GLG1: variants seen among roughly 807,000 people sequenced by gnomAD.
GLG1 encodes Golgi apparatus protein 1.
A neutral mutation model predicts 160.5 loss-of-function variants in GLG1; 38 were observed. The observed-to-expected ratio is 0.24, with a 90% CI of 0.18 to 0.31. The LOEUF is 0.31. Ranked by LOEUF, GLG1 falls within the 10% of genes least tolerant of loss-of-function variation. The pLI, the probability that GLG1 is intolerant of heterozygous loss-of-function variation, is 1.00. For missense variants in GLG1, 1,373 were observed against 1,505.2 expected (o/e 0.91, Z 1.45); for synonymous variants, 644 against 543.4 (o/e 1.19, Z -2.57).
At chr16:74,569,315 T>C (rs1450831520) in intron 1 of GLG1, among the ~76,000 whole-genome samples, 2 of 152,208 alleles carry the variant, frequency 1.3e-5, no homozygotes, top group Non-Finnish European at 2.9e-5. Context: ...CAAGACATCA[T>C]AAACGATAAT....
chr16:74,567,734 A>T, intron 1 of GLG1, among the ~76,000 whole-genome samples: 1 of 150,716 alleles, frequency 6.6e-6, no homozygotes, highest in Non-Finnish European at 1.5e-5. Flanking sequence ...GCGCCCGGCT[A>T]ATTTTTTGTA....
rs35777516 is a variant in GLG1 at position 74,528,811 on chromosome 16, C to CAAAAAAA, written c.471+3303_471+3309dup. On this transcript the variant is annotated intron_variant, in intron 2 of 25. Transcript: ENST00000422840. ...TCAGTGACAGAGCGAGATTCTGTCT[C>CAAAAAAA]AAAAAAAAAAAAAAAAAAAAAAAAA... Among the ~76,000 whole-genome samples, 96 of 62,798 alleles carry CAAAAAAA rather than the reference C, an allele frequency of 1.5e-3. 5 individuals are homozygous for CAAAAAAA. Among genetic ancestry groups the CAAAAAAA allele is most frequent in the Non-Finnish European group, 2.1e-3 (80 of 38,132 alleles). 41.2% of individuals were successfully genotyped at this position (62,798 alleles called of 152,430 possible). A position where few individuals can be genotyped will look rare whatever the true frequency, so the allele number is the denominator to read the frequency against.
intron 25 of GLG1, among the ~76,000 whole-genome samples, chr16:74,453,823 A>C (rs1168975159): frequency 6.6e-6 from 1 of 152,186 alleles, no homozygotes; most frequent in African/African-American, 2.4e-5. Flanking sequence ...CTTTCTTTAA[A>C]AAACAAAGAT....
chr16:74,551,921 G>A (rs1021908229), intron 1 of GLG1, among the ~76,000 whole-genome samples: 2 of 151,046 alleles, frequency 1.3e-5, no homozygotes, highest in Non-Finnish European at 2.9e-5. Context: ...AATTATAAAC[G>A]GAAGAAAACG....
chr16:74,502,935 G>C (rs994720299), intron 4 of GLG1, among the ~76,000 whole-genome samples: 3 of 151,340 alleles, frequency 2.0e-5, no homozygotes, highest in Admixed American at 6.6e-5. Context: ...GGCCGGGACC[G>C]GTGGCTCACG....
intron 1 of GLG1, among the ~76,000 whole-genome samples, chr16:74,600,743 A>C (rs888016565): frequency 7.3e-5 from 10 of 137,060 alleles, no homozygotes; most frequent in Admixed American, 2.4e-4. Context: ...AAAAAAAAAA[A>C]AAAAAAAAAA....
At chr16:74,525,956 T>G (rs937074058) in intron 2 of GLG1, among the ~76,000 whole-genome samples, 23 of 152,192 alleles carry the variant, frequency 1.5e-4, no homozygotes, top group Non-Finnish European at 2.8e-4. Context: ...AGGAGATGGA[T>G]ACCAGCCTGG....
chr16:74,473,484 G>T (rs1255277789), intron 13 of GLG1, among the ~76,000 whole-genome samples: 2 of 138,020 alleles, frequency 1.4e-5, no homozygotes, highest in East Asian at 4.2e-4. Context: ...CTGTTGCTCG[G>T]GCTGGAGTGC....
intron 10 of GLG1, 66 bp downstream of exon 10, chr16:74,482,957 G>T (rs1393743661): frequency 2.4e-6 from 2 of 846,166 alleles, no homozygotes; most frequent in Admixed American, 1.7e-5. Context: ...AATAAATACA[G>T]GTAATTATGA....
At chr16:74,570,342 A>T (rs1263356779) in intron 1 of GLG1, among the ~76,000 whole-genome samples, 1 of 152,212 alleles carries the variant, frequency 6.6e-6, no homozygotes, top group East Asian at 1.9e-4. Flanking sequence ...GTCTCTTTAC[A>T]TTTATCTTTT....
chr16:74,572,958 A>T (rs1324680801), intron 1 of GLG1, among the ~76,000 whole-genome samples: 1 of 152,178 alleles, frequency 6.6e-6, no homozygotes, highest in Admixed American at 6.6e-5. Flanking sequence ...AGTGTCAAGG[A>T]TTGAGCTGAA....
intron 6 of GLG1, among the ~76,000 whole-genome samples, chr16:74,494,403 C>CTTTTT (rs3973383): frequency 1.4e-5 from 1 of 70,124 alleles, no homozygotes; most frequent in Non-Finnish European, 2.5e-5. Flanking sequence ...ATTGAGAAAG[C>CTTTTT]TTTTTTTTTT....
chr16:74,496,946 C>A (rs2016212323), intron 4 of GLG1, among the ~76,000 whole-genome samples: 1 of 152,024 alleles, frequency 6.6e-6, no homozygotes, highest in African/African-American at 2.4e-5. Flanking sequence ...GAAATAAGAA[C>A]CTGAATTTTT....
chr16:74,595,841 G>T (rs1958287304), intron 1 of GLG1, among the ~76,000 whole-genome samples: 1 of 151,894 alleles, frequency 6.6e-6, no homozygotes, highest in East Asian at 1.9e-4. Flanking sequence ...AAAAATTATT[G>T]GGCCAGGTAC....
At chr16:74,598,251 G>T (rs1382828271) in intron 1 of GLG1, among the ~76,000 whole-genome samples, 1 of 152,182 alleles carries the variant, frequency 6.6e-6, no homozygotes, top group African/African-American at 2.4e-5. Flanking sequence ...GTCGGGCGCG[G>T]TGGCTCACGC....
At position 74,459,675 on chromosome 16, in the gene GLG1, T is replaced by C. The variant is rs763484761; in HGVS notation, c.3144+7A>G. The C allele has an allele frequency of 7.4e-7, 1 of 1,346,840 alleles. No homozygotes were observed. Among genetic ancestry groups the C allele is most frequent in the Non-Finnish European group, 1.1e-6 (1 of 948,820 alleles). 83.4% of individuals were successfully genotyped at this position (1,346,840 alleles called of 1,614,324 possible). A position where few individuals can be genotyped will look rare whatever the true frequency, so the allele number is the denominator to read the frequency against. ...TGAAGTGAGGAAAAGAAGGTGACGGTGGTTACCTTTTTACACAATTCTGTT... is the reference window on the plus strand; with the variant it reads ...TGAAGTGAGGAAAAGAAGGTGACGGCGGTTACCTTTTTACACAATTCTGTT... On this transcript the variant is annotated splice_region_variant and intron_variant, in intron 23 of 25. Transcript: ENST00000422840.
At chr16:74,495,689 C>T (rs973497289) in intron 5 of GLG1, among the ~76,000 whole-genome samples, 2 of 152,058 alleles carry the variant, frequency 1.3e-5, no homozygotes, top group African/African-American at 4.8e-5. Context: ...ATATATAATG[C>T]GTCAAAGTTT....
intron 1 of GLG1, among the ~76,000 whole-genome samples, chr16:74,592,486 A>G (rs1958208125): frequency 6.6e-6 from 1 of 152,150 alleles, no homozygotes; most frequent in South Asian, 2.1e-4. Context: ...GAAGCTCTGG[A>G]AGGATTATAT....
At chr16:74,472,740 G>A (rs1040508239) in intron 13 of GLG1, 1 of 426,330 alleles carries the variant, frequency 2.3e-6, no homozygotes, top group Non-Finnish European at 4.5e-6. Flanking sequence ...ATGCTAAGTA[G>A]TTCAAAATGA....
Sources: gnomAD v4.1 joint callset for allele counts (sites outside exome capture counted in the v4.1 genomes callset) on GRCh38, gnomAD v4.1.1 for gene constraint, MANE v1.5 for transcripts, NCBI Gene and HGNC (gene_info 2026-07-23, HGNC 2026-07-21) for gene names.